CDH11: variants seen among roughly 807,000 people sequenced by gnomAD.
The protein encoded by CDH11 is cadherin-11.
In CDH11, 11 loss-of-function variants were observed where a neutral mutation model predicts 67.8. The observed-to-expected ratio is 0.16, with a 90% CI of 0.10 to 0.27. The LOEUF is 0.27. CDH11 is among the 10% of genes least tolerant of loss of function. CDH11 has a pLI of 1.00. For synonymous variants in CDH11, 419 were observed against 400.0 expected (o/e 1.05, Z -0.57); for missense variants, 847 against 1,031.2 (o/e 0.82, Z 2.45).
intron 1 of CDH11, among the ~76,000 whole-genome samples, chr16:65,081,102 T>C (rs1472035010): frequency 2.0e-5 from 3 of 152,338 alleles, no homozygotes; most frequent in Non-Finnish European, 2.9e-5. Flanking sequence ...TAATCGTTAA[T>C]ACTATATGCA....
chr16:65,080,217 C>T (rs182581676), intron 1 of CDH11, among the ~76,000 whole-genome samples: 13 of 151,460 alleles, frequency 8.6e-5, no homozygotes, highest in African/African-American at 2.7e-4. Flanking sequence ...GTAAACTATA[C>T]AACCATTCAA....
In CDH11 at chr16:64,947,055, C is replaced by A; in HGVS notation, c.*548G>T. ...ATGAAAGTAGAAGCAAAAAGATTTA[C>A]AAGAATCAGCAGTAACAAGATTGAT... On this transcript the variant is annotated 3_prime_UTR_variant, in exon 13 of 13. Transcript: ENST00000268603. The A allele has an allele frequency of 6.8e-6, 7 of 1,031,888 alleles. No homozygotes were observed. Among genetic ancestry groups the A allele is most frequent in the Non-Finnish European group, 8.2e-6 (7 of 857,662 alleles). 63.9% of individuals were successfully genotyped at this position (1,031,888 alleles called of 1,614,324 possible). A position where few individuals can be genotyped will look rare whatever the true frequency, so the allele number is the denominator to read the frequency against.
At chr16:65,081,343 C>T (rs903756366) in intron 1 of CDH11, among the ~76,000 whole-genome samples, 2 of 152,138 alleles carry the variant, frequency 1.3e-5, no homozygotes, top group African/African-American at 4.8e-5. Flanking sequence ...CCAAGGCGGG[C>T]AGATCACGAG....
intron 11 of CDH11, among the ~76,000 whole-genome samples, chr16:64,969,866 T>C (rs1182960300): frequency 1.3e-5 from 2 of 152,212 alleles, no homozygotes; most frequent in Non-Finnish European, 2.9e-5. Context: ...GTATTACATA[T>C]GTGTGTCCCA....
At chr16:65,039,279 C>T (rs2073816469) in intron 2 of CDH11, among the ~76,000 whole-genome samples, 3 of 152,164 alleles carry the variant, frequency 2.0e-5, no homozygotes, top group South Asian at 4.1e-4. Flanking sequence ...AAGAACAAAG[C>T]TTGAGGTATC....
At chr16:65,100,172 T>C (rs2074966245) in intron 1 of CDH11, among the ~76,000 whole-genome samples, 1 of 152,130 alleles carries the variant, frequency 6.6e-6, no homozygotes, top group Admixed American at 6.5e-5. Flanking sequence ...GTGGATAGTG[T>C]TGACATCACA....
chr16:64,963,035 T>C (rs1329098427), intron 11 of CDH11, among the ~76,000 whole-genome samples: 1 of 152,158 alleles, frequency 6.6e-6, no homozygotes, highest in East Asian at 1.9e-4. Context: ...ACCATTTCCG[T>C]TATGAAGAAA....
chr16:64,996,136 G>T (rs971271566), intron 4 of CDH11, among the ~76,000 whole-genome samples: 5 of 152,134 alleles, frequency 3.3e-5, no homozygotes, highest in African/African-American at 4.8e-5. Context: ...TACACTGCTG[G>T]TTGGAATGTA....
intron 1 of CDH11, among the ~76,000 whole-genome samples, chr16:65,057,322 C>T (rs1597142501): frequency 6.6e-6 from 1 of 152,214 alleles, no homozygotes; most frequent in East Asian, 1.9e-4. Context: ...CTGCCATCTT[C>T]CCAGCTCTGC....
intron 1 of CDH11, among the ~76,000 whole-genome samples, chr16:65,088,061 G>A (rs1366388716): frequency 1.3e-5 from 2 of 152,166 alleles, no homozygotes; most frequent in African/African-American, 4.8e-5. Flanking sequence ...TAGAGATGGA[G>A]TTTTAGGGAA....
rs2072452460 is a variant in CDH11, at chr16:64,985,093, TTCCCCTCTAAG to T, written c.1000-2803_1000-2793del. 3 of 152,224 alleles carry T rather than the reference TTCCCCTCTAAG, an allele frequency of 2.0e-5. No homozygotes were observed. The South Asian group carries it at 6.2e-4, about 32-fold the overall frequency. 9.4% of individuals were successfully genotyped at this position (152,224 alleles called of 1,614,324 possible). On this transcript the variant is annotated intron_variant, in intron 7 of 12. Coordinates refer to ENST00000268603, the MANE Select transcript of CDH11 (RefSeq NM_001797.4). ...AGGTGCTGCGTGAACAGATTGGATT[TTCCCCTCTAAG>T]TCCACGAAGCCACCTAAAACCTCAT...
chr16:65,092,251 G>A (rs2074804741), intron 1 of CDH11, among the ~76,000 whole-genome samples: 1 of 152,084 alleles, frequency 6.6e-6, no homozygotes, highest in African/African-American at 2.4e-5. Context: ...TATATACACA[G>A]ATGTCCCATG....
chr16:65,061,876 A>C (rs976672421), intron 1 of CDH11, among the ~76,000 whole-genome samples: 1 of 152,180 alleles, frequency 6.6e-6, no homozygotes, highest in Non-Finnish European at 1.5e-5. Flanking sequence ...ACACAATTTC[A>C]TCTTATGACA....
intron 11 of CDH11, chr16:64,968,569 G>A (rs545461031): frequency 3.2e-5 from 32 of 984,912 alleles, no homozygotes; most frequent in Middle Eastern, 5.2e-4. Flanking sequence ...TTTGAAGCTC[G>A]GGCTGCAGAA....
At chr16:64,992,037 T>C (rs1234000304) in intron 5 of CDH11, 102 bp from the exon 6 acceptor site, 2 of 746,084 alleles carry the variant, frequency 2.7e-6, no homozygotes, top group Non-Finnish European at 4.3e-6. Flanking sequence ...AAATATCCCA[T>C]GCCCTCAGCA....
chr16:64,988,001 G>A (rs897515361), intron 7 of CDH11, 156 bp downstream of exon 7: 6 of 567,394 alleles, frequency 1.1e-5, no homozygotes, highest in African/African-American at 9.6e-5. Flanking sequence ...ATACAATTCT[G>A]TGATCTTCCA....
intron 1 of CDH11, among the ~76,000 whole-genome samples, chr16:65,105,076 G>T (rs939473881): frequency 2.0e-5 from 3 of 152,146 alleles, no homozygotes; most frequent in African/African-American, 7.2e-5. Flanking sequence ...TTCCCGAAAT[G>T]ACTTTGAATC....
Position 64,954,955 on chromosome 16 carries a change from A to T in CDH11, c.1643-3937T>A, listed in dbSNP as rs542502564. On this transcript the variant is annotated intron_variant, in intron 11 of 12. Transcript: ENST00000268603. The stretch of plus-strand genomic sequence containing the variant: ...CCTCTCTCTACTAAAAAATAAAAAA[A>T]AAAAAAAAAGGCCAGGCACAGTGGC... Among the ~76,000 whole-genome samples the T allele has an allele frequency of 9.4e-3, 1,430 of 151,926 alleles. 20 individuals carry two copies. Among genetic ancestry groups the T allele is most frequent in the African/African-American group, 0.032 (1,306 of 41,440 alleles).
At chr16:64,963,190 G>A (rs998362470) in intron 11 of CDH11, among the ~76,000 whole-genome samples, 10 of 152,180 alleles carry the variant, frequency 6.6e-5, no homozygotes, top group Non-Finnish European at 1.3e-4. Flanking sequence ...ATATGCTAAG[G>A]TCTTTAATGG....
Sources: gnomAD v4.1 joint callset for allele counts (sites outside exome capture counted in the v4.1 genomes callset) on GRCh38, gnomAD v4.1.1 for gene constraint, MANE v1.5 for transcripts, NCBI Gene and HGNC (gene_info 2026-07-23, HGNC 2026-07-21) for gene names.